Variants in KCNJ1 observed in about 807,000 individuals in gnomAD.
KCNJ1 encodes potassium inwardly rectifying channel subfamily J member 1, also known as ATP-sensitive inward rectifier potassium channel 1.
A neutral mutation model predicts 21.9 loss-of-function variants in KCNJ1; 24 were observed. That is an observed-to-expected ratio of 1.10 (90% CI 0.79 to 1.54). The LOEUF (loss-of-function observed/expected upper bound fraction) is 1.54, where lower values mean the gene tolerates loss of function less well. Ranked by LOEUF, KCNJ1 falls within the 40% of genes most tolerant of loss-of-function variation. The pLI is 0.00. For synonymous variants in KCNJ1, 152 were observed against 160.9 expected, an observed-to-expected ratio of 0.94 and a Z score of 0.42; for missense variants, 457 against 455.4, an observed-to-expected ratio of 1.00 and a Z score of -0.03.
In KCNJ1 at chr11:128,839,305, T is replaced by C. The variant is rs1943226301; in HGVS notation, c.939A>G (p.Thr313=). ...AATCCACTCGGTATTTCCCTTCCTT[T>C]GTCTTGGATACTATGGGAGCAAAAC... The part of the protein sequence containing the change: ...GYRFAPIVSK[T]KEGKYRVDFH... The change falls in exon 3 of 3, where the codon ACA becomes ACG. Residue 313 remains threonine, a synonymous_variant. Coordinates refer to ENST00000392666, the MANE Select transcript of KCNJ1 (RefSeq NM_153766.3). 1 of 1,613,972 alleles carries C rather than the reference T, an allele frequency of 6.2e-7. No individual in the cohort carries two copies. The highest frequency in any genetic ancestry group is 1.1e-5 in the South Asian group (1 of 91,080).
At chr11:128,855,257 G>T (rs1241965926) in intron 1 of KCNJ1, among the ~76,000 whole-genome samples, 1 of 151,572 alleles carries the variant, frequency 6.6e-6, no homozygotes, top group African/African-American at 2.4e-5. Context: ...TCCAATAATT[G>T]TACCCATTTT....
At chr11:128,854,696 C>T (rs1003973488) in intron 1 of KCNJ1, among the ~76,000 whole-genome samples, 6 of 152,304 alleles carry the variant, frequency 3.9e-5, no homozygotes, top group Non-Finnish European at 7.3e-5. Context: ...ATGTTCCTTG[C>T]GTACTTCCTG....
rs148460531 is a variant in KCNJ1 at position 128,840,806 on chromosome 11, C to G, written c.-21-542G>C. On this transcript the variant is annotated intron_variant, in intron 2 of 2. Transcript: ENST00000392666. The stretch of plus-strand genomic sequence containing the variant: ...TGATACTCATATATCAAGAAAAATC[C>G]TAATTCAATTCTGTTCTCTCATTTA... Among the ~76,000 whole-genome samples, 476 of 152,182 alleles carry G rather than the reference C, an allele frequency of 3.1e-3. 2 individuals are homozygous for G. The highest frequency in any genetic ancestry group is 0.011 in the African/African-American group (456 of 41,528).
chr11:128,841,443 G>T (rs1412549247), intron 2 of KCNJ1, among the ~76,000 whole-genome samples: 2 of 152,110 alleles, frequency 1.3e-5, no homozygotes, highest in East Asian at 3.8e-4. Context: ...ACAGCAAAAT[G>T]GTGAAGGGCC....
At chr11:128,841,760 G>A (rs146692274) in intron 2 of KCNJ1, among the ~76,000 whole-genome samples, 3 of 152,254 alleles carry the variant, frequency 2.0e-5, no homozygotes, top group South Asian at 4.1e-4. Flanking sequence ...AAGTCGAAGC[G>A]GTGATGAGAA....
rs1444805341 is a variant in KCNJ1, at chr11:128,839,880, T to C, written c.364A>G (p.Thr122Ala). Residue 122 changes from threonine to alanine, a missense_variant, in exon 3 of 3, where the codon ACC becomes GCC. By Grantham distance (58) the Thr-to-Ala change is moderately conservative (BLOSUM62 0). Coordinates refer to ENST00000392666, the MANE Select transcript of KCNJ1 (RefSeq NM_153766.3). ...AFLFSLETQVTIGYGFRCVTE... is the reference protein window; with the variant it reads ...AFLFSLETQVAIGYGFRCVTE... Reference sequence around the variant, plus strand: ...ACACACCTGAATCCATATCCAATGGTCACTTGAGTCTCCAGAGAAAACAGA... The same window carrying C: ...ACACACCTGAATCCATATCCAATGGCCACTTGAGTCTCCAGAGAAAACAGA... 6.2e-7 allele frequency: 1 copy of C among 1,614,182 alleles called. No homozygotes were observed. The highest frequency in any genetic ancestry group is 1.7e-5 in the Admixed American group (1 of 60,026).
At chr11:128,846,705 C>T (rs1057372142) in intron 2 of KCNJ1, among the ~76,000 whole-genome samples, 33 of 152,208 alleles carry the variant, frequency 2.2e-4, no homozygotes, top group African/African-American at 7.7e-4. Context: ...CTGAACAGAG[C>T]GACGGTACCG....
intron 2 of KCNJ1, among the ~76,000 whole-genome samples, chr11:128,844,170 AG>A (rs1309334654): frequency 3.9e-5 from 6 of 152,314 alleles, no homozygotes; most frequent in African/African-American, 1.2e-4. Flanking sequence ...ACTCTAATGG[AG>A]ATGTCTTGTG....
chr11:128,853,930 G>C (rs1297641075), intron 1 of KCNJ1, among the ~76,000 whole-genome samples: 1 of 152,244 alleles, frequency 6.6e-6, no homozygotes, highest in East Asian at 1.9e-4. Flanking sequence ...CAGAACCTCT[G>C]CTAGTGTGGG....
chr11:128,840,203 A>C lies in KCNJ1; in HGVS notation c.41T>G (p.Phe14Cys). The change falls in exon 3 of 3, where the codon TTT becomes TGT. Residue 14 changes from phenylalanine (F) to cysteine (C), a missense_variant. Physicochemically the swap from Phe to Cys is radical, Grantham distance 205. Coordinates refer to ENST00000392666, the MANE Select transcript of KCNJ1 (RefSeq NM_153766.3). ...CCTTGCTCTTTGCCGAGAATGCCCA[A>C]AAAAGCGAGTGACGACCCATTTCCG... The part of the protein sequence containing the change: ...HLRKWVVTRF[F>C]GHSRQRARLV... 6.2e-7 allele frequency: 1 copy of C among 1,614,176 alleles called. No homozygotes were observed.
chr11:128,862,554 G>A (rs1943736698), intron 1 of KCNJ1, among the ~76,000 whole-genome samples: 1 of 152,216 alleles, frequency 6.6e-6, no homozygotes, highest in African/African-American at 2.4e-5. Context: ...AGCCTGGTTG[G>A]TAGGTTAGAA....
Position 128,840,066 on chromosome 11 carries a change from A to G in KCNJ1, c.178T>C (p.Tyr60His), listed in dbSNP as rs1943255176. The change falls in exon 3 of 3, where the codon TAC becomes CAC. Residue 60 changes from tyrosine (Y) to histidine (H), a missense_variant. By Grantham distance (83) the Tyr-to-His change is moderately conservative. Coordinates refer to ENST00000392666, the MANE Select transcript of KCNJ1 (RefSeq NM_153766.3). The stretch of plus-strand genomic sequence containing the variant: ...GCTGTGATGAAAATGGTCATTTTGT[A>G]TCTCCACTTGAGGTCAAGTACCGTT... ...WTTVLDLKWR[Y>H]KMTIFITAFL... is the part of the protein sequence containing the mutation. 2 of 1,614,108 alleles carry G rather than the reference A, an allele frequency of 1.2e-6. No homozygotes were observed. The highest frequency in any genetic ancestry group is 8.5e-7 in the Non-Finnish European group (1 of 1,180,040).
Position 128,839,657 on chromosome 11 carries a change from T to C in KCNJ1, c.587A>G (p.Asn196Ser). Residue 196 changes from asparagine to serine, a missense_variant, in exon 3 of 3, where the codon AAT (asparagine) becomes AGT (serine). Asn to Ser is a conservative substitution (Grantham distance 46, BLOSUM62 1). Coordinates refer to ENST00000392666, the MANE Select transcript of KCNJ1 (RefSeq NM_153766.3). ...GKLCLLIRVA[N>S]LRKSLLIGSH... ...GCCAATAAGAAGGCTCTTCCTGAGATTAGCCACTCGGATTAGGAGGCAAAG... is the reference window on the plus strand; with the variant it reads ...GCCAATAAGAAGGCTCTTCCTGAGACTAGCCACTCGGATTAGGAGGCAAAG... 1 of 1,613,630 alleles carries C rather than the reference T, an allele frequency of 6.2e-7. No homozygotes were observed. The highest frequency in any genetic ancestry group is 2.2e-5 in the East Asian group (1 of 44,888).
In KCNJ1 at chr11:128,839,705, A is replaced by C; in HGVS notation, c.539T>G (p.Val180Gly). ...AKTITFSKNA[V>G]ISKRGGKLCL... is the part of the protein sequence containing the mutation. The stretch of plus-strand genomic sequence containing the variant: ...AAGCTTCCCTCCCCGTTTGCTGATC[A>C]CTGCGTTCTTGCTGAACGTAATGGT... Residue 180 changes from valine (V) to glycine (G), a missense_variant, in exon 3 of 3, where the codon GTG becomes GGG. Transcript: ENST00000392666. 6.2e-7 allele frequency: 1 copy of C among 1,613,200 alleles called. No individual in the cohort carries two copies. The highest frequency in any genetic ancestry group is 1.1e-5 in the South Asian group (1 of 91,074).
At chr11:128,843,422 G>C (rs1049312948) in intron 2 of KCNJ1, among the ~76,000 whole-genome samples, 1 of 152,164 alleles carries the variant, frequency 6.6e-6, no homozygotes, top group Non-Finnish European at 1.5e-5. Flanking sequence ...TTAGTGGCTT[G>C]GCAAAACAAG....
intron 2 of KCNJ1, chr11:128,842,366 C>T: frequency 6.2e-7 from 1 of 1,613,648 alleles, no homozygotes; most frequent in Non-Finnish European, 8.5e-7. Context: ...AGGTGATTTC[C>T]CCAGCCTCCA....
chr11:128,848,707 G>T (rs1943427611), intron 2 of KCNJ1, among the ~76,000 whole-genome samples: 1 of 152,186 alleles, frequency 6.6e-6, no homozygotes, highest in Non-Finnish European at 1.5e-5. Flanking sequence ...GAAACTCACT[G>T]CCACACAATG....
At position 128,840,139 on chromosome 11, in the gene KCNJ1, G is replaced by A. The variant is rs767468304; in HGVS notation, c.105C>T (p.Gly35=). 9.9e-6 allele frequency: 16 copies of A among 1,614,136 alleles called. No individual in the cohort carries two copies. Among genetic ancestry groups the A allele is most frequent in the Non-Finnish European group, 1.3e-5 (15 of 1,180,016 alleles). The stretch of plus-strand genomic sequence containing the variant: ...TAAACCTTGACTGTGCCTCCACATT[G>A]CCAAATTCTATGTTGCACCTTCCAT... The part of the protein sequence containing the change: ...SKDGRCNIEF[G]NVEAQSRFIF... The change falls in exon 3 of 3, where the codon GGC becomes GGT. Residue 35 remains glycine (G), a synonymous_variant. Coordinates refer to ENST00000392666, the MANE Select transcript of KCNJ1 (RefSeq NM_153766.3).
intron 2 of KCNJ1, among the ~76,000 whole-genome samples, chr11:128,843,958 G>A (rs1438572252): frequency 4.6e-5 from 7 of 152,190 alleles, no homozygotes; most frequent in Non-Finnish European, 1.0e-4. Flanking sequence ...GCCAGGATAT[G>A]AAACAGTGGG....
Sources: allele counts gnomAD v4.1 joint callset (sites outside exome capture counted in the v4.1 genomes callset), GRCh38; gene constraint gnomAD v4.1.1; transcripts MANE v1.5; gene names NCBI Gene and HGNC (gene_info 2026-07-23, HGNC 2026-07-21).